SERPINB8: variants seen among roughly 807,000 people sequenced by gnomAD.
The protein encoded by SERPINB8 is serpin family B member 8.
Under a neutral mutation model 35.3 loss-of-function variants are expected in SERPINB8, and 25 were observed. That is an observed-to-expected ratio of 0.71 (90% confidence interval 0.52 to 0.99). The LOEUF (loss-of-function observed/expected upper bound fraction) is 0.99, where lower values mean the gene tolerates loss of function less well. Among genes scored for constraint, SERPINB8 ranks in the 50% least tolerant of loss-of-function variants. The pLI, the probability that SERPINB8 is intolerant of heterozygous loss-of-function variation, is 0.00. For synonymous variants in SERPINB8, 186 were observed against 160.8 expected (o/e 1.16, Z -1.19); for missense variants, 484 against 446.5 (o/e 1.08, Z -0.76).
intron 1 of SERPINB8, among the ~76,000 whole-genome samples, chr18:63,974,942 G>T (rs2050557447): frequency 6.6e-6 from 1 of 152,112 alleles, no homozygotes; most frequent in Non-Finnish European, 1.5e-5. Flanking sequence ...GAAAAGGAAT[G>T]GAAGTGGGGA....
intron 7 of SERPINB8, among the ~76,000 whole-genome samples, chr18:64,013,060 A>G (rs1007609041): frequency 1.3e-5 from 2 of 152,160 alleles, no homozygotes; most frequent in Non-Finnish European, 2.9e-5. Flanking sequence ...GGCAGCTTTT[A>G]AGAATTACTT....
At chr18:64,007,874 C>T (rs2050907679), downstream of SERPINB8, among the ~76,000 whole-genome samples, 1 of 152,046 alleles carries the variant, frequency 6.6e-6, no homozygotes, top group South Asian at 2.1e-4. Context: ...GGAACACAGA[C>T]CCAACCCATA....
At chr18:63,986,338 T>TG (rs2050753864) in intron 6 of SERPINB8, 1 of 1,601,502 alleles carries the variant, frequency 6.2e-7, no homozygotes, top group African/African-American at 1.3e-5. Context: ...GAAGTCTTCT[T>TG]GCATTCCCCA....
At chr18:63,975,969 G>A (rs116957432) in intron 1 of SERPINB8, among the ~76,000 whole-genome samples, 3,734 of 152,288 alleles carry the variant, frequency 0.025, 68 homozygotes, top group Middle Eastern at 0.037. Context: ...TTTGTAGGCC[G>A]CTGGGAAACT....
chr18:64,009,870 G>A (rs1308507959), downstream of SERPINB8, among the ~76,000 whole-genome samples: 1 of 152,036 alleles, frequency 6.6e-6, no homozygotes, highest in African/African-American at 2.4e-5. Context: ...TATAACCTTA[G>A]TGAAGTGAAG....
At chr18:63,999,735 T>C (rs1568283741) in intron 1 of SERPINB8, among the ~76,000 whole-genome samples, 1 of 152,158 alleles carries the variant, frequency 6.6e-6, no homozygotes, top group Non-Finnish European at 1.5e-5. Context: ...AATGGGGCAT[T>C]AATAAGAGTT....
intron 1 of SERPINB8, among the ~76,000 whole-genome samples, chr18:64,003,508 T>C (rs1020287523): frequency 6.1e-5 from 9 of 146,614 alleles, no homozygotes; most frequent in Non-Finnish European, 3.0e-5. Flanking sequence ...CCATTGGATA[T>C]TGAGGGACAA....
intron 1 of SERPINB8, among the ~76,000 whole-genome samples, chr18:63,999,187 C>T (rs2050863214): frequency 1.3e-5 from 2 of 152,166 alleles, no homozygotes; most frequent in African/African-American, 4.8e-5. Context: ...AAAATTCATT[C>T]GTAGGCCTGA....
intron 1 of SERPINB8, among the ~76,000 whole-genome samples, chr18:63,972,578 G>T (rs948693297): frequency 6.6e-6 from 1 of 152,042 alleles, no homozygotes. Context: ...ATGTTGGTTT[G>T]CCGCACCCAT....
rs752066817 is a variant in SERPINB8, at chr18:63,978,395, C to A, written c.87C>A (p.Phe29Leu). 1.9e-6 allele frequency: 3 copies of A among 1,614,194 alleles called. No homozygotes were observed. The highest frequency in any genetic ancestry group is 2.5e-6 in the Non-Finnish European group (3 of 1,180,032). ...LGEEDNSRNVFFSPMSISSAL... is the reference protein window; with the variant it reads ...LGEEDNSRNVLFSPMSISSAL... ...AAGAGGACAACTCAAGAAACGTATTCTTCTCTCCCATGAGCATCTCCTCTG... is the reference window on the plus strand; with the variant it reads ...AAGAGGACAACTCAAGAAACGTATTATTCTCTCCCATGAGCATCTCCTCTG... The change falls in exon 2 of 7, where the codon TTC becomes TTA. Residue 29 changes from phenylalanine to leucine, a missense_variant. By Grantham distance (22) the Phe-to-Leu change is conservative (BLOSUM62 0). Coordinates refer to ENST00000397985, the MANE Select transcript of SERPINB8 (RefSeq NM_002640.4).
intron 1 of SERPINB8, among the ~76,000 whole-genome samples, chr18:63,996,480 A>G (rs933958990): frequency 6.6e-6 from 1 of 152,130 alleles, no homozygotes; most frequent in African/African-American, 2.4e-5. Flanking sequence ...TCCAGGATCA[A>G]CTTGCCTTTA....
chr18:63,987,154 T>C lies in SERPINB8; in HGVS notation c.1001T>C (p.Val334Ala). ...EGTEAAAATAVVRNSRCSRME... is the reference protein window; with the variant it reads ...EGTEAAAATAAVRNSRCSRME... ...ACAGAGGCTGCCGCAGCCACTGCTG[T>C]GGTCAGGAATTCCCGGTGCAGCAGA... Residue 334 changes from valine to alanine, a missense_variant, in exon 7 of 7, where the codon GTG (valine) becomes GCG (alanine). Val to Ala is a moderately conservative substitution (Grantham distance 64). Coordinates refer to ENST00000397985, the MANE Select transcript of SERPINB8 (RefSeq NM_002640.4). The C allele has an allele frequency of 6.2e-7, 1 of 1,614,200 alleles. No individual in the cohort carries two copies.
At chr18:63,970,437 C>G (rs1283796315) in intron 1 of SERPINB8, 7 of 162,528 alleles carry the variant, frequency 4.3e-5, no homozygotes, top group Admixed American at 3.2e-4. Context: ...GGGCCGGGTC[C>G]CGAGAACAGG....
At chr18:63,999,668 T>G (rs1388048277) in intron 1 of SERPINB8, among the ~76,000 whole-genome samples, 1 of 152,204 alleles carries the variant, frequency 6.6e-6, no homozygotes, top group Admixed American at 6.5e-5. Context: ...AGAGTATTCT[T>G]TCTTTTCTAA....
intron 6 of SERPINB8, chr18:63,986,626 T>C (rs2050758970): frequency 2.3e-6 from 3 of 1,321,868 alleles, no homozygotes; most frequent in Admixed American, 3.6e-5. Context: ...GTACAAATTG[T>C]TTTTATTAAA....
downstream of SERPINB8, among the ~76,000 whole-genome samples, chr18:64,006,971 T>A (rs1474230976): frequency 1.3e-5 from 2 of 151,668 alleles, no homozygotes; most frequent in African/African-American, 2.4e-5. Flanking sequence ...AAGAAAATAC[T>A]AAAAATAAAA....
chr18:63,992,115 T>A (rs938154854), downstream of SERPINB8, among the ~76,000 whole-genome samples: 2 of 152,232 alleles, frequency 1.3e-5, no homozygotes, highest in Non-Finnish European at 2.9e-5. Flanking sequence ...AATATCTTTG[T>A]CTCACTTTGG....
At chr18:63,992,241 A>G (rs983390715), downstream of SERPINB8, among the ~76,000 whole-genome samples, 30 of 152,348 alleles carry the variant, frequency 2.0e-4, no homozygotes, top group African/African-American at 7.0e-4. Flanking sequence ...TGGTGAAACC[A>G]TCCGAGACTG....
At chr18:63,990,677 C>G (rs1267372017), downstream of SERPINB8, among the ~76,000 whole-genome samples, 1 of 151,222 alleles carries the variant, frequency 6.6e-6, no homozygotes, top group Non-Finnish European at 1.5e-5. Flanking sequence ...TCCCCCCCAC[C>G]CCACAACAGG....
Sources: gnomAD v4.1 joint callset for allele counts (sites outside exome capture counted in the v4.1 genomes callset) on GRCh38, gnomAD v4.1.1 for gene constraint, MANE v1.5 for transcripts, NCBI Gene and HGNC (gene_info 2026-07-23, HGNC 2026-07-21) for gene names.